CATSPERE: variants seen among roughly 807,000 people sequenced by gnomAD.
CATSPERE encodes catsper channel auxiliary subunit epsilon.
CATSPERE carries 93 observed loss-of-function variants against 114.1 expected under a neutral mutation model. That is an observed-to-expected ratio of 0.81 (90% CI 0.69 to 0.97). The LOEUF (loss-of-function observed/expected upper bound fraction) is 0.97. Among genes scored for constraint, CATSPERE ranks in the 50% least tolerant of loss-of-function variants. The pLI is 0.00. For missense variants in CATSPERE, 1,058 were observed against 1,131.6 expected (o/e 0.93, Z 0.93); for synonymous variants, 341 against 384.1 (o/e 0.89, Z 1.31).
chr1:244,487,948 C>T (rs1671356961), intron 5 of CATSPERE, among the ~76,000 whole-genome samples: 1 of 152,192 alleles, frequency 6.6e-6, no homozygotes, highest in South Asian at 2.1e-4. Flanking sequence ...AGCACTGCCT[C>T]TTTCCCCAGG....
upstream of CATSPERE, among the ~76,000 whole-genome samples, chr1:244,456,345 C>T (rs1327495285): frequency 1.3e-5 from 2 of 151,968 alleles, no homozygotes; most frequent in Non-Finnish European, 2.9e-5. Flanking sequence ...AGGGGCTCCA[C>T]CCTGAAGCCA....
intron 20 of CATSPERE, among the ~76,000 whole-genome samples, chr1:244,621,702 T>G (rs1404393790): frequency 1.3e-5 from 2 of 152,058 alleles, no homozygotes; most frequent in African/African-American, 4.8e-5. Context: ...ATGCTGAAAT[T>G]TATTTATAAG....
intron 14 of CATSPERE, among the ~76,000 whole-genome samples, chr1:244,590,897 T>C (rs1667635055): frequency 2.0e-5 from 3 of 152,166 alleles, no homozygotes; most frequent in Admixed American, 2.0e-4. Flanking sequence ...CAGCTATGAA[T>C]ATTTGTGTAC....
chr1:244,583,950 T>G lies in CATSPERE; in HGVS notation c.2085+11T>G. 1 of 1,613,288 alleles carries G rather than the reference T, an allele frequency of 6.2e-7. No homozygotes were observed. Among genetic ancestry groups the G allele is most frequent in the South Asian group, 1.1e-5 (1 of 91,032 alleles). ...CCAATAGCCCAAAAGGTAAGCGACA[T>G]GGGCTGAAGACCCAAATATTTCACT... On this transcript the variant is annotated intron_variant, in intron 13 of 21. Coordinates refer to ENST00000366534, the MANE Select transcript of CATSPERE (RefSeq NM_001130957.2).
At chr1:244,549,777 T>C (rs3003225) in intron 8 of CATSPERE, among the ~76,000 whole-genome samples, 132,284 of 152,140 alleles carry the variant, frequency 0.87, 58,503 homozygotes, top group East Asian at 1. Context: ...ATGCATCAAC[T>C]TTACTGGGCT....
chr1:244,529,144 G>A (rs1425747763), intron 8 of CATSPERE, among the ~76,000 whole-genome samples: 2 of 152,192 alleles, frequency 1.3e-5, no homozygotes, highest in Non-Finnish European at 2.9e-5. Flanking sequence ...AAACATGGGA[G>A]TAGATATCTC....
chr1:244,543,643 T>C (rs1036002055), intron 8 of CATSPERE, among the ~76,000 whole-genome samples: 1 of 147,246 alleles, frequency 6.8e-6, no homozygotes, highest in African/African-American at 2.5e-5. Context: ...TTTAAATATA[T>C]ATATATATTT....
intron 5 of CATSPERE, among the ~76,000 whole-genome samples, chr1:244,481,490 G>T (rs933056284): frequency 6.6e-6 from 1 of 151,970 alleles, no homozygotes; most frequent in South Asian, 2.1e-4. Context: ...AAATATTCCT[G>T]GTAGAGCTGA....
At chr1:244,493,000 C>T (rs1294381713) in intron 6 of CATSPERE, among the ~76,000 whole-genome samples, 6 of 150,686 alleles carry the variant, frequency 4.0e-5, no homozygotes, top group African/African-American at 7.3e-5. Context: ...GAATCAATAT[C>T]GTGAAAATGG....
At chr1:244,490,739 T>A (rs528611423) in intron 6 of CATSPERE, among the ~76,000 whole-genome samples, 30 of 152,280 alleles carry the variant, frequency 2.0e-4, no homozygotes, top group African/African-American at 7.0e-4. Context: ...GCAGAGATGA[T>A]TATCCAGCTG....
intron 17 of CATSPERE, among the ~76,000 whole-genome samples, chr1:244,603,347 C>T (rs895624033): frequency 2.0e-5 from 3 of 152,156 alleles, no homozygotes; most frequent in African/African-American, 7.2e-5. Context: ...AGAGAGGTCT[C>T]TTTCCCAATT....
At chr1:244,583,998 C>A in intron 13 of CATSPERE, 59 bp downstream of exon 13, 4 of 1,359,790 alleles carry the variant, frequency 2.9e-6, no homozygotes, top group Non-Finnish European at 4.2e-6. Context: ...AGGCGGTCAA[C>A]CAAATAATGC....
chr1:244,509,630 G>A (rs1675375662), intron 7 of CATSPERE, among the ~76,000 whole-genome samples: 1 of 152,076 alleles, frequency 6.6e-6, no homozygotes, highest in African/African-American at 2.4e-5. Flanking sequence ...TCAAATTTTT[G>A]GAATAGTTTG....
chr1:244,561,822 T>C (rs10803219), intron 10 of CATSPERE, among the ~76,000 whole-genome samples: 29,991 of 151,968 alleles, frequency 0.2, 4,430 homozygotes, highest in East Asian at 0.42. Flanking sequence ...CCTTCATCTC[T>C]CACCATTCTC....
chr1:244,534,732 G>T (rs1680117526), intron 8 of CATSPERE, among the ~76,000 whole-genome samples: 1 of 152,076 alleles, frequency 6.6e-6, no homozygotes, highest in Admixed American at 6.6e-5. Flanking sequence ...GTGTTAGAAA[G>T]ACCACATATC....
intron 11 of CATSPERE, among the ~76,000 whole-genome samples, chr1:244,578,556 G>A (rs1665640336): frequency 6.6e-6 from 1 of 151,808 alleles, no homozygotes; most frequent in South Asian, 2.1e-4. Context: ...TGTATTATAT[G>A]CTGTATTCTT....
chr1:244,476,211 A>G (rs1669317484), intron 2 of CATSPERE, among the ~76,000 whole-genome samples: 1 of 152,132 alleles, frequency 6.6e-6, no homozygotes. Flanking sequence ...ACGCTGAGGT[A>G]GGAGGACTGC....
At chr1:244,596,237 G>A (rs537211931) in intron 17 of CATSPERE, among the ~76,000 whole-genome samples, 2 of 152,318 alleles carry the variant, frequency 1.3e-5, no homozygotes, top group East Asian at 3.9e-4. Flanking sequence ...TATGGTTCCA[G>A]AAAGTCCCTT....
intron 5 of CATSPERE, among the ~76,000 whole-genome samples, chr1:244,488,165 A>G (rs1475156679): frequency 6.6e-6 from 1 of 152,200 alleles, no homozygotes; most frequent in Non-Finnish European, 1.5e-5. Flanking sequence ...TCATCACTGT[A>G]TCCCACTACT....
Sources: gnomAD v4.1 joint callset for allele counts (sites outside exome capture counted in the v4.1 genomes callset) on GRCh38, gnomAD v4.1.1 for gene constraint, MANE v1.5 for transcripts, NCBI Gene and HGNC (gene_info 2026-07-23, HGNC 2026-07-21) for gene names.